CHN1: variants seen among roughly 807,000 people sequenced by gnomAD.
CHN1 encodes the protein N-chimaerin.
Under a neutral mutation model 59.5 loss-of-function variants are expected in CHN1, and 37 were observed. The ratio of observed to expected loss-of-function variants is 0.62; its 90% CI spans 0.48 to 0.82. CHN1 has a LOEUF of 0.82. Among genes scored for constraint, CHN1 ranks in the 40% least tolerant of loss-of-function variants. The probability of loss-of-function intolerance (pLI) is 0.00; values close to 1 mark genes in which losing one functional copy is unlikely to be tolerated. For synonymous variants in CHN1, 206 were observed against 200.4 expected, an observed-to-expected ratio of 1.03 and a Z score of -0.24; for missense variants, 469 against 571.0, an observed-to-expected ratio of 0.82 and a Z score of 1.82.
chr2:174,861,000 C>G (rs1335902957), intron 6 of CHN1, among the ~76,000 whole-genome samples: 1 of 152,132 alleles, frequency 6.6e-6, no homozygotes, highest in African/African-American at 2.4e-5. Flanking sequence ...CCTCCTCAAT[C>G]TGCCTAATCC....
At chr2:174,997,244 C>T (rs750990782) in intron 1 of CHN1, among the ~76,000 whole-genome samples, 1 of 152,196 alleles carries the variant, frequency 6.6e-6, no homozygotes, top group Non-Finnish European at 1.5e-5. Flanking sequence ...TCTCACTTAA[C>T]GGTATCATCC....
intron 1 of CHN1, among the ~76,000 whole-genome samples, chr2:174,955,143 T>G (rs920093063): frequency 7.2e-6 from 1 of 138,268 alleles, no homozygotes; most frequent in Non-Finnish European, 1.5e-5. Context: ...GATCTATATA[T>G]CTCTATATAT....
At chr2:174,973,383 G>A (rs1244870254) in intron 1 of CHN1, among the ~76,000 whole-genome samples, 1 of 152,110 alleles carries the variant, frequency 6.6e-6, no homozygotes, top group Non-Finnish European at 1.5e-5. Flanking sequence ...TCAGGCTGCT[G>A]GAAGCCCATT....
intron 6 of CHN1, among the ~76,000 whole-genome samples, chr2:174,862,731 A>T (rs1030410021): frequency 6.6e-6 from 1 of 152,162 alleles, no homozygotes; most frequent in African/African-American, 2.4e-5. Flanking sequence ...TTAAATTTAG[A>T]GTTTTACACT....
intron 3 of CHN1, among the ~76,000 whole-genome samples, chr2:174,919,611 G>A (rs1688948222): frequency 6.6e-6 from 1 of 151,906 alleles, no homozygotes. Context: ...TTATTTTTCT[G>A]GGCAAAATTC....
chr2:174,947,926 G>A lies in CHN1; in HGVS notation c.59-2983C>T, dbSNP rs570799957. Among the ~76,000 whole-genome samples the A allele has an allele frequency of 2.0e-5, 3 of 152,218 alleles. No homozygotes were observed. In the East Asian group the frequency reaches 5.8e-4, roughly 29 times the overall value. ...TTTGGAATTTCTGATAATTTGAATT[G>A]GAACTCAGCTGAATTTAAATAAGCA... On this transcript the variant is annotated intron_variant, in intron 2 of 12. Transcript: ENST00000409900.
chr2:174,916,729 T>C (rs773721147), intron 4 of CHN1, among the ~76,000 whole-genome samples: 8 of 152,210 alleles, frequency 5.3e-5, no homozygotes, highest in Non-Finnish European at 1.0e-4. Context: ...CTTATCTCCA[T>C]AAATTTCCCA....
At chr2:175,004,603 T>C (rs1691998620) in intron 1 of CHN1, among the ~76,000 whole-genome samples, 1 of 152,194 alleles carries the variant, frequency 6.6e-6, no homozygotes, top group African/African-American at 2.4e-5. Context: ...CACTCCCAAG[T>C]TGGCATCTTA....
chr2:174,836,405 G>A (rs2605297), intron 7 of CHN1, among the ~76,000 whole-genome samples: 2 of 152,112 alleles, frequency 1.3e-5, no homozygotes, highest in African/African-American at 4.8e-5. Flanking sequence ...TCATGTGAAC[G>A]CCAACCAGTG....
chr2:174,891,413 T>C (rs1224063218), intron 5 of CHN1, among the ~76,000 whole-genome samples: 1 of 150,634 alleles, frequency 6.6e-6, no homozygotes, highest in Non-Finnish European at 1.5e-5. Flanking sequence ...CTACTAAAAA[T>C]ACAAAAATTA....
intron 3 of CHN1, among the ~76,000 whole-genome samples, chr2:174,924,396 T>C (rs1207258348): frequency 6.6e-6 from 1 of 152,226 alleles, no homozygotes; most frequent in Non-Finnish European, 1.5e-5. Flanking sequence ...CTTATCTCTA[T>C]CACCCTTTGT....
chr2:174,872,527 A>C (rs1017539522), intron 6 of CHN1, among the ~76,000 whole-genome samples: 1 of 152,154 alleles, frequency 6.6e-6, no homozygotes, highest in Non-Finnish European at 1.5e-5. Flanking sequence ...TCGATACTAA[A>C]ATGCAAATAC....
At chr2:174,966,414 T>C (rs1690592925) in intron 1 of CHN1, among the ~76,000 whole-genome samples, 1 of 150,300 alleles carries the variant, frequency 6.7e-6, no homozygotes, top group Non-Finnish European at 1.5e-5. Context: ...CAGAAAAAAA[T>C]ATTTTGTAAA....
Position 174,808,915 on chromosome 2 carries a change from T to C in CHN1, c.1092A>G (p.Ile364Met). ...LITYDAYPKFIESAKIMDPDE... is the reference protein window; with the variant it reads ...LITYDAYPKFMESAKIMDPDE... ...TGCATTCATACTTACTGGCAGATTCTATAAACTTAGGGTAGGCATCATATG... is the reference window on the plus strand; with the variant it reads ...TGCATTCATACTTACTGGCAGATTCCATAAACTTAGGGTAGGCATCATATG... The change falls in exon 11 of 13, where the codon ATA becomes ATG. Residue 364 changes from isoleucine (I) to methionine (M), a missense_variant. Physicochemically the swap from Ile to Met is conservative, Grantham distance 10 (BLOSUM62 1). Coordinates refer to ENST00000409900, the MANE Select transcript of CHN1 (RefSeq NM_001822.7). 6.2e-7 allele frequency: 1 copy of C among 1,613,742 alleles called. No individual in the cohort carries two copies. Among genetic ancestry groups the C allele is most frequent in the South Asian group, 1.1e-5 (1 of 91,050 alleles).
At chr2:174,950,433 A>AT (rs1689988001) in intron 2 of CHN1, among the ~76,000 whole-genome samples, 1 of 151,640 alleles carries the variant, frequency 6.6e-6, no homozygotes, top group African/African-American at 2.4e-5. Context: ...CACCCAGCTA[A>AT]TTTTTTGGTA....
intron 5 of CHN1, among the ~76,000 whole-genome samples, chr2:174,888,105 T>C (rs1007103594): frequency 1.3e-5 from 2 of 152,150 alleles, no homozygotes; most frequent in Admixed American, 1.3e-4. Flanking sequence ...AAAAAACATG[T>C]TCAATAGAGA....
chr2:174,962,155 C>T (rs999517577), intron 1 of CHN1, among the ~76,000 whole-genome samples: 1 of 151,572 alleles, frequency 6.6e-6, no homozygotes, highest in Non-Finnish European at 1.5e-5. Flanking sequence ...CGGGGTGGCG[C>T]GCGCCTATAA....
At position 174,800,258 on chromosome 2, in the gene CHN1, A is replaced by T; in HGVS notation, c.1238T>A (p.Met413Lys). Residue 413 changes from methionine to lysine, a missense_variant, in exon 13 of 13, where the codon ATG becomes AAG. Physicochemically the swap from Met to Lys is moderately conservative, Grantham distance 95. This residue lies in a region of CHN1 where 225 missense variants were observed against 289.9 expected (regional missense o/e 0.78). Coordinates refer to ENST00000409900, the MANE Select transcript of CHN1 (RefSeq NM_001822.7). ...GACGATTCCAAGGTTCTCTGCATTCATAAGATTCTCCTTTTCGTGGAGGGT... is the reference window on the plus strand; with the variant it reads ...GACGATTCCAAGGTTCTCTGCATTCTTAAGATTCTCCTTTTCGTGGAGGGT... Reference protein sequence around the residue: ...RVTLHEKENLMNAENLGIVFG... With the variant: ...RVTLHEKENLKNAENLGIVFG... 1 of 1,447,428 alleles carries T rather than the reference A, an allele frequency of 6.9e-7. No individual in the cohort carries two copies. The highest frequency in any genetic ancestry group is 2.4e-5 in the East Asian group (1 of 42,324). The allele number at this position is 1,447,428 out of a possible 1,614,324, so 89.7% of individuals were successfully genotyped here. A position where few individuals can be genotyped will look rare whatever the true frequency, so the allele number is the denominator to read the frequency against.
intron 1 of CHN1, among the ~76,000 whole-genome samples, chr2:174,987,413 T>C (rs1691385576): frequency 2.6e-5 from 4 of 151,486 alleles, no homozygotes; most frequent in Non-Finnish European, 4.4e-5. Context: ...TTTCTTTTTT[T>C]TTTTTTTTAT....
Sources: gnomAD v4.1 joint callset for allele counts (sites outside exome capture counted in the v4.1 genomes callset) on GRCh38, gnomAD v4.1.1 for gene constraint, gnomAD v4.1.1 regional missense constraint, MANE v1.5 for transcripts, NCBI Gene and HGNC (gene_info 2026-07-23, HGNC 2026-07-21) for gene names.